Variants in WDR17 observed in about 807,000 individuals in gnomAD.
WDR17 encodes the protein WD repeat domain 17.
Under a neutral mutation model 161.7 loss-of-function variants are expected in WDR17, and 143 were observed. That is an observed-to-expected ratio of 0.88 (90% CI 0.77 to 1.02). The LOEUF is 1.02. WDR17 is among the 50% of genes least tolerant of loss of function. The probability of loss-of-function intolerance (pLI) is 0.00; values close to 1 mark genes in which losing one functional copy is unlikely to be tolerated. For missense variants in WDR17, 1,469 were observed against 1,520.9 expected (o/e 0.97, Z 0.57); for synonymous variants, 517 against 515.6 (o/e 1.00, Z -0.04).
rs374835787 is a variant in WDR17 at position 176,150,051 on chromosome 4, A to G, written c.2056A>G (p.Ile686Val). 29 of 1,613,732 alleles carry G rather than the reference A, an allele frequency of 1.8e-5. No homozygotes were observed. The highest frequency in any genetic ancestry group is 8.0e-5 in the African/African-American group (6 of 74,936). The change falls in exon 15 of 29, where the codon ATA becomes GTA. Residue 686 changes from isoleucine to valine, a missense_variant. By Grantham distance (29) the Ile-to-Val change is conservative. Coordinates refer to ENST00000508596, the MANE Select transcript of WDR17 (RefSeq NM_181265.4). Reference protein sequence around the residue: ...EEIIGNTDYAIEPGTPPLLCG... With the variant: ...EEIIGNTDYAVEPGTPPLLCG... The stretch of plus-strand genomic sequence containing the variant: ...TTATGTCTGTTCTTCAGATTATGCT[A>G]TAGAACCAGGCACTCCTCCTCTACT...
intron 22 of WDR17, among the ~76,000 whole-genome samples, chr4:176,165,145 G>T (rs1749582103): frequency 1.3e-5 from 2 of 150,576 alleles, no homozygotes; most frequent in African/African-American, 4.9e-5. Context: ...TGGCCAACAT[G>T]GTGAAACCCC....
At chr4:176,091,993 T>C (rs1225318757) in intron 1 of WDR17, among the ~76,000 whole-genome samples, 1 of 152,086 alleles carries the variant, frequency 6.6e-6, no homozygotes, top group Non-Finnish European at 1.5e-5. Context: ...GCACAATGGC[T>C]TTACTGCTGA....
Position 176,141,999 on chromosome 4 carries a change from G to T in WDR17, c.1459G>T (p.Asp487Tyr), listed in dbSNP as rs757560977. 14 of 1,600,438 alleles carry T rather than the reference G, an allele frequency of 8.7e-6. No individual in the cohort carries two copies. Among genetic ancestry groups the T allele is most frequent in the African/African-American group, 1.3e-5 (1 of 74,698 alleles). ...SDGFCIIRTI[D>Y]GKVLHKYKHP... is the part of the protein sequence containing the mutation. The stretch of plus-strand genomic sequence containing the variant: ...TAATTCTAGTATTATTCGAACAATT[G>T]ATGGTAAAGTGCTACACAAATATAA... Residue 487 changes from aspartate to tyrosine, a missense_variant, in exon 11 of 29, where the codon GAT (aspartate) becomes TAT (tyrosine). Transcript: ENST00000508596.
chr4:176,141,766 T>C (rs1745301563), intron 10 of WDR17, among the ~76,000 whole-genome samples: 1 of 152,210 alleles, frequency 6.6e-6, no homozygotes, highest in Admixed American at 6.5e-5. Context: ...ATTTATTACC[T>C]TATATTAATT....
chr4:176,106,614 A>C (rs184257355), intron 1 of WDR17, among the ~76,000 whole-genome samples: 211 of 152,330 alleles, frequency 1.4e-3, no homozygotes, highest in African/African-American at 4.6e-3. Flanking sequence ...AAAAGCAAAA[A>C]ACATGCAAAT....
chr4:176,137,635 A>C, intron 9 of WDR17, 24 bp downstream of exon 9: 1 of 1,398,140 alleles, frequency 7.2e-7, no homozygotes, highest in Non-Finnish European at 9.9e-7. Flanking sequence ...ATTGCTACTG[A>C]ATAATATAAT....
At chr4:176,177,940 G>A (rs1477854403) in intron 28 of WDR17, among the ~76,000 whole-genome samples, 2 of 122,270 alleles carry the variant, frequency 1.6e-5, no homozygotes, top group African/African-American at 3.2e-5. Flanking sequence ...AGCCGAGATC[G>A]AGCCATTGCA....
In WDR17 at chr4:176,148,238, G is replaced by A. The variant is rs183328957; in HGVS notation, c.1800G>A (p.Leu600=). 6.2e-7 allele frequency: 1 copy of A among 1,613,856 alleles called. No individual in the cohort carries two copies. The highest frequency in any genetic ancestry group is 1.3e-5 in the African/African-American group (1 of 74,904). Residue 600 remains leucine, a synonymous_variant, in exon 13 of 29, where the codon CTG becomes CTA. Transcript: ENST00000508596. The stretch of plus-strand genomic sequence containing the variant: ...TGTGGAATACTGAGATTCCATATCT[G>A]CTCATATCTGGCAGCTGGGACTATA... ...GLMWNTEIPY[L]LISGSWDYTI...
intron 1 of WDR17, among the ~76,000 whole-genome samples, chr4:176,079,269 T>A (rs945357955): frequency 6.6e-6 from 1 of 152,170 alleles, no homozygotes; most frequent in Non-Finnish European, 1.5e-5. Context: ...TCCATTCATC[T>A]GCTGATGGAC....
chr4:176,155,555 T>TGTTTTGTTTTGTTTTG, intron 17 of WDR17, among the ~76,000 whole-genome samples: 2 of 143,802 alleles, frequency 1.4e-5, no homozygotes, highest in African/African-American at 5.1e-5. Context: ...GTTTTTTTTT[T>TGTTTTGTTTTGTTTTG]TTTTTTGGAG....
In WDR17 at chr4:176,137,579, C is replaced by G. The variant is rs1220935848; in HGVS notation, c.1327C>G (p.Gln443Glu). ...AAATGGTGCTTTTATTTGGAATGTT[C>G]AAAAGGGCAAAATTATACAACGATT... ...SRNGAFIWNV[Q>E]KGKIIQRFNE... Residue 443 changes from glutamine (Q) to glutamate (E), a missense_variant, in exon 9 of 29, where the codon CAA becomes GAA. Coordinates refer to ENST00000508596, the MANE Select transcript of WDR17 (RefSeq NM_181265.4). The G allele has an allele frequency of 6.3e-7, 1 of 1,596,962 alleles. No homozygotes were observed. Among genetic ancestry groups the G allele is most frequent in the African/African-American group, 1.3e-5 (1 of 74,514 alleles).
At position 176,146,143 on chromosome 4, in the gene WDR17, A is replaced by C; in HGVS notation, c.1678A>C (p.Ser560Arg). The C allele has an allele frequency of 6.2e-7, 1 of 1,613,504 alleles. No individual in the cohort carries two copies. The highest frequency in any genetic ancestry group is 8.5e-7 in the Non-Finnish European group (1 of 1,179,714). ...TCCTCTGAGAGAGGGAATTCTTTGC[A>C]GTGGTTCTGATGATGGGTATGTATT... is the stretch of plus-strand genomic sequence containing the variant. Reference protein sequence around the residue: ...WSPLREGILCSGSDDGTVRIW... With the variant: ...WSPLREGILCRGSDDGTVRIW... Residue 560 changes from serine to arginine, a missense_variant, in exon 12 of 29, where the codon AGT becomes CGT. Transcript: ENST00000508596.
At chr4:176,090,300 G>T (rs1579018102) in intron 1 of WDR17, among the ~76,000 whole-genome samples, 2 of 145,546 alleles carry the variant, frequency 1.4e-5, no homozygotes, top group Admixed American at 7.0e-5. Flanking sequence ...CTCTTTTCTT[G>T]CTCCCTCTCT....
At chr4:176,109,942 T>C (rs1163028955) in intron 1 of WDR17, among the ~76,000 whole-genome samples, 2 of 152,184 alleles carry the variant, frequency 1.3e-5, no homozygotes, top group Non-Finnish European at 2.9e-5. Context: ...ACCAAATTTA[T>C]TATAGCTCTC....
rs373051051 is a variant in WDR17, at chr4:176,177,102, A to T, written c.3494A>T (p.Glu1165Val). ...GAGGTGTCAGTACCTTTAAAAATTGAATATCTTTCTGAGGAATTGGATGCA... is the reference window on the plus strand; with the variant it reads ...GAGGTGTCAGTACCTTTAAAAATTGTATATCTTTCTGAGGAATTGGATGCA... ...RREVSVPLKI[E>V]YLSEELDAWR... Residue 1165 changes from glutamate to valine, a missense_variant, in exon 27 of 29, where the codon GAA becomes GTA. Transcript: ENST00000508596. 4 of 1,613,906 alleles carry T rather than the reference A, an allele frequency of 2.5e-6. No homozygotes were observed. Among genetic ancestry groups the T allele is most frequent in the Non-Finnish European group, 3.4e-6 (4 of 1,179,892 alleles).
intron 23 of WDR17, among the ~76,000 whole-genome samples, chr4:176,170,936 A>G (rs1010170392): frequency 2.0e-5 from 3 of 152,206 alleles, no homozygotes; most frequent in Non-Finnish European, 4.4e-5. Context: ...GACCTACCAA[A>G]CATCATAGCT....
chr4:176,130,826 T>C (rs2126755918), intron 6 of WDR17, among the ~76,000 whole-genome samples: 1 of 152,190 alleles, frequency 6.6e-6, no homozygotes, highest in African/African-American at 2.4e-5. Flanking sequence ...TAATTTACTG[T>C]AGTGTCATTA....
At chr4:176,145,571 G>C (rs1011045431) in intron 11 of WDR17, among the ~76,000 whole-genome samples, 1 of 152,098 alleles carries the variant, frequency 6.6e-6, no homozygotes, top group Non-Finnish European at 1.5e-5. Flanking sequence ...ATGGGCTAAG[G>C]CATGTAATAA....
At chr4:176,165,298 G>A (rs984248293) in intron 22 of WDR17, among the ~76,000 whole-genome samples, 9 of 152,052 alleles carry the variant, frequency 5.9e-5, no homozygotes, top group African/African-American at 1.2e-4. Flanking sequence ...GAACTCAGGC[G>A]ATGGAGGTTG....
Sources: allele counts gnomAD v4.1 joint callset (sites outside exome capture counted in the v4.1 genomes callset), GRCh38; gene constraint gnomAD v4.1.1; transcripts MANE v1.5; gene names NCBI Gene and HGNC (gene_info 2026-07-23, HGNC 2026-07-21).